The following GGNBP2 variants were observed in gnomAD, a reference collection of about 807,000 sequenced individuals.
The protein encoded by GGNBP2 is gametogenetin binding protein 2.
A neutral mutation model predicts 85.9 loss-of-function variants in GGNBP2; 10 were observed. The ratio of observed to expected loss-of-function variants is 0.12; its 90% CI spans 0.07 to 0.20. The LOEUF is 0.20. Among genes scored for constraint, GGNBP2 ranks in the 10% least tolerant of loss-of-function variants. The probability of loss-of-function intolerance (pLI) is 1.00; values close to 1 mark genes in which losing one functional copy is unlikely to be tolerated. For synonymous variants in GGNBP2, 287 were observed against 285.7 expected (o/e 1.00, Z -0.05); for missense variants, 595 against 857.8 (o/e 0.69, Z 3.83).
intron 3 of GGNBP2, among the ~76,000 whole-genome samples, chr17:36,556,178 A>G (rs542332780): frequency 6.6e-6 from 1 of 152,342 alleles, no homozygotes; most frequent in Admixed American, 6.5e-5. Context: ...AGTAGCTCTC[A>G]GTTATTTTTC....
chr17:36,556,690 A>G (rs1024841973), intron 3 of GGNBP2, among the ~76,000 whole-genome samples: 1 of 151,546 alleles, frequency 6.6e-6, no homozygotes, highest in Non-Finnish European at 1.5e-5. Flanking sequence ...GCGAGAGAGC[A>G]AGATGCCGTC....
At chr17:36,571,247 A>G (rs774183498) in intron 6 of GGNBP2, among the ~76,000 whole-genome samples, 6 of 152,156 alleles carry the variant, frequency 3.9e-5, no homozygotes, top group Non-Finnish European at 7.4e-5. Context: ...AGCTTGGGCA[A>G]CATAGGGAGG....
At chr17:36,563,064 G>A (rs1287912813) in intron 5 of GGNBP2, among the ~76,000 whole-genome samples, 3 of 150,274 alleles carry the variant, frequency 2.0e-5, no homozygotes, top group South Asian at 2.1e-4. Flanking sequence ...TCGGGGGTTC[G>A]AGACCGGCCT....
At chr17:36,573,566 G>A (rs944162011) in intron 6 of GGNBP2, among the ~76,000 whole-genome samples, 2 of 152,256 alleles carry the variant, frequency 1.3e-5, no homozygotes, top group Admixed American at 6.5e-5. Flanking sequence ...TTCCTGGATC[G>A]TATGGTAGTT....
intron 6 of GGNBP2, among the ~76,000 whole-genome samples, chr17:36,575,908 A>G (rs2074576740): frequency 6.6e-6 from 1 of 150,508 alleles, no homozygotes; most frequent in Admixed American, 6.6e-5. Flanking sequence ...TTGCCTCCCA[A>G]AGGGCTGGGA....
chr17:36,545,595 G>C, intron 1 of GGNBP2, 24 bp from the exon 2 acceptor site: 4 of 679,808 alleles, frequency 5.9e-6, no homozygotes, highest in Non-Finnish European at 1.0e-5. Flanking sequence ...GGGTGCTTAC[G>C]CTCGCGGGGT....
In GGNBP2 at chr17:36,557,297, CTGA is replaced by C. The variant is rs778988652; in HGVS notation, c.392_394del (p.Asp131del). 6.2e-7 allele frequency: 1 copy of C among 1,613,608 alleles called. No individual in the cohort carries two copies. The highest frequency in any genetic ancestry group is 8.5e-7 in the Non-Finnish European group (1 of 1,179,574). ...CTGTCTGTAACTAGAAGCTGCATGA[CTGA>C]TGCAAAGAAGCTTTATACATTATTT... On this transcript the variant is annotated inframe_deletion, in exon 4 of 14. Coordinates refer to ENST00000613102, the MANE Select transcript of GGNBP2 (RefSeq NM_024835.5).
Position 36,587,092 on chromosome 17 carries a change from T to C in GGNBP2, c.1737T>C (p.Asp579=). The change falls in exon 13 of 14, where the codon GAT becomes GAC. Residue 579 remains aspartate (D), a synonymous_variant. Coordinates refer to ENST00000613102, the MANE Select transcript of GGNBP2 (RefSeq NM_024835.5). ...TGTTTCACCGTGACAAGACCAAAGA[T>C]ACACATCCTGAAAGCTGTTGCAGCT... ...HTVFHRDKTK[D]THPESCCSSE... 1.9e-6 allele frequency: 3 copies of C among 1,614,090 alleles called. No homozygotes were observed. The highest frequency in any genetic ancestry group is 2.5e-6 in the Non-Finnish European group (3 of 1,180,018).
chr17:36,554,671 A>T, intron 2 of GGNBP2, 149 bp from the exon 3 acceptor site: 1 of 635,498 alleles, frequency 1.6e-6, no homozygotes. Flanking sequence ...CCACCGCACC[A>T]GGCCATGTAC....
At chr17:36,578,287 T>C (rs2074611622) in intron 7 of GGNBP2, 101 bp downstream of exon 7, 6 of 844,358 alleles carry the variant, frequency 7.1e-6, no homozygotes, top group Non-Finnish European at 1.1e-5. Flanking sequence ...ACATATGATA[T>C]ATGTATAAAT....
chr17:36,555,483 C>T (rs547366578), intron 3 of GGNBP2, among the ~76,000 whole-genome samples: 8 of 152,268 alleles, frequency 5.3e-5, no homozygotes, highest in Non-Finnish European at 8.8e-5. Context: ...CGCTTGAGTT[C>T]AGTAGTTGGA....
rs370507936 is a variant in GGNBP2, at chr17:36,545,099, T to A, written c.-107+2T>A. ...AACCGACAGCCTCCTCCGAGAAGGGTGAGGAAAGGGTCTGAGCCTCCCCGT... is the reference window on the plus strand; with the variant it reads ...AACCGACAGCCTCCTCCGAGAAGGGAGAGGAAAGGGTCTGAGCCTCCCCGT... On this transcript the variant is annotated splice_donor_variant, in intron 1 of 13. Coordinates refer to ENST00000613102, the MANE Select transcript of GGNBP2 (RefSeq NM_024835.5). LOFTEE classifies it low-confidence loss of function (5UTR_SPLICE). 7 of 143,370 alleles carry A rather than the reference T, an allele frequency of 4.9e-5. No homozygotes were observed. In the East Asian group the frequency reaches 1.5e-3, roughly 30 times the overall value. 8.9% of individuals were successfully genotyped at this position (143,370 alleles called of 1,614,324 possible).
At chr17:36,583,386 C>A (rs1242276965) in intron 9 of GGNBP2, among the ~76,000 whole-genome samples, 2 of 151,890 alleles carry the variant, frequency 1.3e-5, no homozygotes, top group Non-Finnish European at 2.9e-5. Flanking sequence ...CTTCTGCATT[C>A]AATCTGTTTC....
In GGNBP2 at chr17:36,545,674, G is replaced by GGCGGCA. The variant is rs959632364; in HGVS notation, c.-48_-43dup. The GGCGGCA allele has an allele frequency of 2.9e-6, 4 of 1,395,130 alleles. No individual in the cohort carries two copies. In the African/African-American group the frequency reaches 5.7e-5, roughly 20 times the overall value. The allele number at this position is 1,395,130 out of a possible 1,614,324, so 86.4% of individuals were successfully genotyped here. A position where few individuals can be genotyped will look rare whatever the true frequency, so the allele number is the denominator to read the frequency against. On this transcript the variant is annotated 5_prime_UTR_variant, in exon 2 of 14. Coordinates refer to ENST00000613102, the MANE Select transcript of GGNBP2 (RefSeq NM_024835.5). ...CGGCAGAAACAGCAGCGGCGGCGGCGGCGGCAGCTGGGAGGAGGTGGTGAC... is the reference window on the plus strand; with the variant it reads ...CGGCAGAAACAGCAGCGGCGGCGGCGGCGGCAGCGGCAGCTGGGAGGAGGTGGTGAC...
intron 5 of GGNBP2, among the ~76,000 whole-genome samples, chr17:36,562,855 C>T (rs949122288): frequency 1.4e-5 from 2 of 143,166 alleles, no homozygotes; most frequent in African/African-American, 5.3e-5. Flanking sequence ...ATCCCAGCTA[C>T]TTAGGAGGCT....
intron 4 of GGNBP2, 152 bp downstream of exon 4, chr17:36,557,488 C>T: frequency 1.5e-6 from 1 of 676,758 alleles, no homozygotes; most frequent in East Asian, 2.7e-5. Flanking sequence ...AGTTTCAACT[C>T]TCCACGTGGG....
intron 3 of GGNBP2, 129 bp from the exon 4 acceptor site, chr17:36,556,954 G>A (rs2074368034): frequency 9.7e-7 from 1 of 1,031,096 alleles, no homozygotes; most frequent in Admixed American, 2.0e-5. Context: ...TTCTGACTCA[G>A]TTGCAGGTAG....
intron 5 of GGNBP2, among the ~76,000 whole-genome samples, chr17:36,562,556 A>G (rs1192102657): frequency 6.7e-6 from 1 of 148,988 alleles, no homozygotes; most frequent in Non-Finnish European, 1.5e-5. Flanking sequence ...CTTCCGAGTT[A>G]CACCATTATT....
At chr17:36,561,786 G>T (rs959492211) in intron 5 of GGNBP2, among the ~76,000 whole-genome samples, 3 of 151,990 alleles carry the variant, frequency 2.0e-5, no homozygotes, top group African/African-American at 7.2e-5. Flanking sequence ...ACCAAGCCCG[G>T]CTAATTTTTT....
Sources: allele counts gnomAD v4.1 joint callset (sites outside exome capture counted in the v4.1 genomes callset), GRCh38; gene constraint gnomAD v4.1.1; transcripts MANE v1.5; gene names NCBI Gene and HGNC (gene_info 2026-07-23, HGNC 2026-07-21).